The following RAB3C variants were observed in gnomAD, a reference collection of about 807,000 sequenced individuals.
RAB3C encodes the protein ras-related protein Rab-3C.
A neutral mutation model predicts 26.4 loss-of-function variants in RAB3C; 17 were observed. That is an observed-to-expected ratio of 0.64 (90% CI 0.44 to 0.97). The LOEUF (loss-of-function observed/expected upper bound fraction) is 0.97. Among genes scored for constraint, RAB3C ranks in the 50% least tolerant of loss-of-function variants. The pLI, the probability that RAB3C is intolerant of heterozygous loss-of-function variation, is 0.00. For missense variants in RAB3C, 242 were observed against 281.9 expected (o/e 0.86, Z 1.01); for synonymous variants, 91 against 95.9 (o/e 0.95, Z 0.30).
intron 3 of RAB3C, among the ~76,000 whole-genome samples, chr5:58,819,332 G>A (rs1423369): frequency 0.22 from 32,984 of 152,142 alleles, 3,764 homozygotes; most frequent in Middle Eastern, 0.39. Context: ...TTGAGTCTGA[G>A]TTGGAAGGGA....
chr5:58,797,186 C>G (rs1231399142), intron 3 of RAB3C, among the ~76,000 whole-genome samples: 1 of 151,252 alleles, frequency 6.6e-6, no homozygotes, highest in Non-Finnish European at 1.5e-5. Context: ...GTGTACTTGG[C>G]AAGACATATT....
chr5:58,834,635 A>G (rs1368267691), intron 4 of RAB3C, among the ~76,000 whole-genome samples: 4 of 152,198 alleles, frequency 2.6e-5, no homozygotes, highest in East Asian at 1.9e-4. Flanking sequence ...AAAATGTTCT[A>G]AGTACCTATC....
intron 2 of RAB3C, among the ~76,000 whole-genome samples, chr5:58,635,885 T>C (rs1181374209): frequency 6.6e-6 from 1 of 152,196 alleles, no homozygotes. Flanking sequence ...GCAAAATTTG[T>C]GTTAACAGGT....
rs1745936822 is a variant in RAB3C, at chr5:58,583,093, G to C, written c.-116G>C. 6.4e-7 allele frequency: 1 copy of C among 1,567,054 alleles called. No individual in the cohort carries two copies. Among genetic ancestry groups the C allele is most frequent in the Non-Finnish European group, 8.6e-7 (1 of 1,159,376 alleles). ...CAGCTCCAGTGCTGATGTTGGAGCC[G>C]GTTAGCGAACCCCAAGAGTGCAGAG... On this transcript the variant is annotated 5_prime_UTR_variant, in exon 1 of 5. Coordinates refer to ENST00000282878, the MANE Select transcript of RAB3C (RefSeq NM_138453.4).
intron 3 of RAB3C, among the ~76,000 whole-genome samples, chr5:58,750,107 T>A (rs980626132): frequency 3.3e-5 from 5 of 152,190 alleles, no homozygotes; most frequent in African/African-American, 1.2e-4. Flanking sequence ...TTAACCTGTA[T>A]CAAACAATTT....
intron 3 of RAB3C, among the ~76,000 whole-genome samples, chr5:58,787,859 T>C (rs570129595): frequency 4.9e-4 from 75 of 152,336 alleles, no homozygotes; most frequent in Non-Finnish European, 9.1e-4. Flanking sequence ...TCAGCTGTCC[T>C]AACTCCTTTT....
chr5:58,804,160 T>C (rs1742880416), intron 3 of RAB3C, among the ~76,000 whole-genome samples: 1 of 152,154 alleles, frequency 6.6e-6, no homozygotes, highest in Non-Finnish European at 1.5e-5. Context: ...TCAATAGAAA[T>C]CACTGGTGGC....
rs113074008 is a variant in RAB3C, at chr5:58,600,114, T to A, written c.24+16882T>A. Among the ~76,000 whole-genome samples, 559 of 152,044 alleles carry A rather than the reference T, an allele frequency of 3.7e-3. 4 individuals carry two copies. The highest frequency in any genetic ancestry group is 0.013 in the African/African-American group (525 of 41,522). On this transcript the variant is annotated intron_variant, in intron 1 of 4. Transcript: ENST00000282878. The stretch of plus-strand genomic sequence containing the variant: ...CAGTTGTTGAAAAAGGGGGACTTTA[T>A]GTTTTTGTTTGCTTTGTCGAAAATC...
At chr5:58,719,670 C>T (rs1172244452) in intron 2 of RAB3C, among the ~76,000 whole-genome samples, 1 of 151,898 alleles carries the variant, frequency 6.6e-6, no homozygotes, top group Non-Finnish European at 1.5e-5. Context: ...AGGGGAGAAT[C>T]CAATTCTTGG....
intron 2 of RAB3C, among the ~76,000 whole-genome samples, chr5:58,704,828 G>A (rs1190477009): frequency 6.6e-6 from 1 of 151,962 alleles, no homozygotes; most frequent in Non-Finnish European, 1.5e-5. Context: ...TGAGTTAGGG[G>A]TGGTGATCTT....
chr5:58,767,830 C>T (rs1030903965), intron 3 of RAB3C, among the ~76,000 whole-genome samples: 1 of 152,060 alleles, frequency 6.6e-6, no homozygotes, highest in Non-Finnish European at 1.5e-5. Context: ...GGCTTATAGC[C>T]TACTAGTAGG....
chr5:58,620,366 A>G (rs768642516), intron 2 of RAB3C, among the ~76,000 whole-genome samples: 2 of 152,242 alleles, frequency 1.3e-5, no homozygotes, highest in Non-Finnish European at 2.9e-5. Flanking sequence ...ACAATACTGT[A>G]TACTATTATA....
intron 3 of RAB3C, among the ~76,000 whole-genome samples, chr5:58,751,586 A>T (rs1347939689): frequency 6.6e-6 from 1 of 152,234 alleles, no homozygotes; most frequent in East Asian, 1.9e-4. Context: ...ACATCTGCAC[A>T]TTGGATACAA....
At chr5:58,659,307 A>G (rs551586254) in intron 2 of RAB3C, among the ~76,000 whole-genome samples, 13 of 152,204 alleles carry the variant, frequency 8.5e-5, no homozygotes, top group Non-Finnish European at 1.9e-4. Flanking sequence ...GTGAAATTAT[A>G]TGTCTTCTTC....
At chr5:58,826,364 C>T (rs1561143723) in intron 4 of RAB3C, among the ~76,000 whole-genome samples, 1 of 151,958 alleles carries the variant, frequency 6.6e-6, no homozygotes, top group African/African-American at 2.4e-5. Flanking sequence ...TTGAGATGAG[C>T]ATAAGGTGAG....
chr5:58,857,303 A>G lies in RAB3C; in HGVS notation c.*5952A>G, dbSNP rs1744285615. On this transcript the variant is annotated 3_prime_UTR_variant, in exon 5 of 5. Coordinates refer to ENST00000282878, the MANE Select transcript of RAB3C (RefSeq NM_138453.4). ...GCCTACTTCAAAATACTTTTTTCTT[A>G]TAAAACCAAACATTTAGTATCTGGA... The G allele has an allele frequency of 6.6e-6, 1 of 152,150 alleles. No individual in the cohort carries two copies. The highest frequency in any genetic ancestry group is 6.6e-5 in the Admixed American group (1 of 15,266). The allele number at this position is 152,150 out of a possible 1,614,324, so 9.4% of individuals were successfully genotyped here. A position where few individuals can be genotyped will look rare whatever the true frequency, so the allele number is the denominator to read the frequency against.
At chr5:58,755,958 T>G (rs1346275154) in intron 3 of RAB3C, among the ~76,000 whole-genome samples, 1 of 152,162 alleles carries the variant, frequency 6.6e-6, no homozygotes, top group Non-Finnish European at 1.5e-5. Flanking sequence ...ATGAAATAAT[T>G]TTTATTTGCT....
intron 3 of RAB3C, among the ~76,000 whole-genome samples, chr5:58,796,842 G>A (rs1016429104): frequency 1.3e-5 from 2 of 152,044 alleles, no homozygotes; most frequent in African/African-American, 4.8e-5. Flanking sequence ...CAACTGGAAG[G>A]CACATGAGAA....
At chr5:58,646,083 G>T (rs7708532) in intron 2 of RAB3C, among the ~76,000 whole-genome samples, 1 of 152,124 alleles carries the variant, frequency 6.6e-6, no homozygotes, top group Admixed American at 6.5e-5. Context: ...GAGCGAAGTC[G>T]AATGATTTTC....
Sources: gnomAD v4.1 joint callset for allele counts (sites outside exome capture counted in the v4.1 genomes callset) on GRCh38, gnomAD v4.1.1 for gene constraint, MANE v1.5 for transcripts, NCBI Gene and HGNC (gene_info 2026-07-23, HGNC 2026-07-21) for gene names.